The following FILIP1L variants were observed in gnomAD, a reference collection of about 807,000 sequenced individuals.
FILIP1L encodes the protein filamin A interacting protein 1 like.
A neutral mutation model predicts 96.6 loss-of-function variants in FILIP1L; 55 were observed. The observed-to-expected ratio is 0.57, with a 90% CI of 0.46 to 0.71. The LOEUF is 0.71. Among genes scored for constraint, FILIP1L ranks in the 30% least tolerant of loss-of-function variants. The pLI is 0.00. For synonymous variants in FILIP1L, 467 were observed against 473.9 expected (o/e 0.99, Z 0.19); for missense variants, 1,304 against 1,321.2 (o/e 0.99, Z 0.20).
rs76688742 is a variant in FILIP1L, at chr3:99,981,267, T to C, written c.-10-50237A>G. On this transcript the variant is annotated intron_variant, in intron 1 of 5. Transcript: ENST00000477258. ...CCCAATGCTAAACTTGTCCCTGGCC[T>C]CCTGGCAAACTCCTACTTAATCCTC... Among the ~76,000 whole-genome samples the C allele has an allele frequency of 4.6e-3, 705 of 152,278 alleles. 10 individuals are homozygous for C. Among genetic ancestry groups the C allele is most frequent in the African/African-American group, 0.016 (646 of 41,578 alleles).
At chr3:99,852,920 G>T (rs1221576124) in intron 4 of FILIP1L, among the ~76,000 whole-genome samples, 1 of 152,126 alleles carries the variant, frequency 6.6e-6, no homozygotes, top group Non-Finnish European at 1.5e-5. Context: ...TCCACTTTTA[G>T]TTTTTTCTGT....
At chr3:100,024,815 G>T (rs1017170651) in intron 1 of FILIP1L, among the ~76,000 whole-genome samples, 2 of 152,072 alleles carry the variant, frequency 1.3e-5, no homozygotes, top group Non-Finnish European at 2.9e-5. Context: ...TTTATGGAGG[G>T]GGTCCAGGGT....
intron 4 of FILIP1L, among the ~76,000 whole-genome samples, chr3:99,875,738 TATAG>T (rs1705479329): frequency 6.6e-6 from 1 of 152,098 alleles, no homozygotes; most frequent in Admixed American, 6.5e-5. Flanking sequence ...TGCAGTACAA[TATAG>T]TCTCCCCCAC....
chr3:99,922,880 G>A (rs188861821), intron 4 of FILIP1L, among the ~76,000 whole-genome samples: 1 of 152,170 alleles, frequency 6.6e-6, no homozygotes. Context: ...TTCTTATTTT[G>A]TTTTTTAAAG....
intron 4 of FILIP1L, among the ~76,000 whole-genome samples, chr3:99,876,834 C>G (rs941309167): frequency 2.0e-5 from 3 of 151,930 alleles, no homozygotes; most frequent in African/African-American, 7.3e-5. Context: ...TGTGTTTTAA[C>G]GAAAGCAGTT....
intron 1 of FILIP1L, among the ~76,000 whole-genome samples, chr3:100,007,707 T>C (rs1710027953): frequency 6.6e-6 from 1 of 152,210 alleles, no homozygotes; most frequent in African/African-American, 2.4e-5. Context: ...GAAGCTACAG[T>C]ATCGTGTAGG....
intron 4 of FILIP1L, among the ~76,000 whole-genome samples, chr3:99,903,944 C>A (rs1706527192): frequency 6.6e-6 from 1 of 152,168 alleles, no homozygotes; most frequent in Non-Finnish European, 1.5e-5. Flanking sequence ...AAAAATATGG[C>A]TTCAAGTAAT....
At chr3:100,034,888 A>C (rs1007222467) in intron 1 of FILIP1L, among the ~76,000 whole-genome samples, 2 of 152,168 alleles carry the variant, frequency 1.3e-5, no homozygotes, top group Admixed American at 1.3e-4. Context: ...TCTCAGTAGA[A>C]TATCTCAATC....
At chr3:100,083,228 TA>T (rs1222454563) in intron 1 of FILIP1L, among the ~76,000 whole-genome samples, 2 of 152,266 alleles carry the variant, frequency 1.3e-5, no homozygotes, top group African/African-American at 4.8e-5. Flanking sequence ...AAGAATTAAC[TA>T]AATAGTTTTA....
At chr3:99,993,646 G>A (rs1709588775) in intron 1 of FILIP1L, among the ~76,000 whole-genome samples, 1 of 152,046 alleles carries the variant, frequency 6.6e-6, no homozygotes, top group African/African-American at 2.4e-5. Flanking sequence ...GTTAATGTGT[G>A]TTCCTTCTAT....
Position 100,079,804 on chromosome 3 carries a change from CTCA to C in FILIP1L, c.-11+34246_-11+34248del, listed in dbSNP as rs533427903. Among the ~76,000 whole-genome samples, 760 of 151,928 alleles carry C rather than the reference CTCA, an allele frequency of 5.0e-3. 5 individuals are homozygous for C. The highest frequency in any genetic ancestry group is 0.017 in the African/African-American group (718 of 41,452). On this transcript the variant is annotated intron_variant, in intron 1 of 5. Transcript: ENST00000477258. ...TTTACAATTTCTATGCCTCATTACTCTCATGATAACCTAAAAAAAAAAATCAAG... is the reference window on the plus strand; with the variant it reads ...TTTACAATTTCTATGCCTCATTACTCTGATAACCTAAAAAAAAAAATCAAG...
intron 1 of FILIP1L, among the ~76,000 whole-genome samples, chr3:100,017,898 G>A (rs1710391701): frequency 6.6e-6 from 1 of 152,114 alleles, no homozygotes; most frequent in Non-Finnish European, 1.5e-5. Context: ...CAGTTTTCCT[G>A]GATCTGTAGC....
chr3:100,000,639 C>T (rs1259175521), intron 1 of FILIP1L, among the ~76,000 whole-genome samples: 1 of 152,164 alleles, frequency 6.6e-6, no homozygotes, highest in Non-Finnish European at 1.5e-5. Flanking sequence ...TGCTTGGGCC[C>T]AGGAGTTCAA....
At chr3:99,860,167 A>G (rs1464152592) in intron 4 of FILIP1L, among the ~76,000 whole-genome samples, 1 of 152,154 alleles carries the variant, frequency 6.6e-6, no homozygotes, top group Non-Finnish European at 1.5e-5. Context: ...TTGGGTTAAT[A>G]CTATTTTCCT....
chr3:100,087,074 G>T (rs1440664086), intron 1 of FILIP1L, among the ~76,000 whole-genome samples: 1 of 152,204 alleles, frequency 6.6e-6, no homozygotes, highest in African/African-American at 2.4e-5. Context: ...TCATACAGCT[G>T]TACCATAGTT....
intron 4 of FILIP1L, among the ~76,000 whole-genome samples, chr3:99,852,424 T>G (rs188687733): frequency 2.6e-5 from 4 of 152,156 alleles, no homozygotes; most frequent in African/African-American, 9.6e-5. Flanking sequence ...GTGTAAGGAT[T>G]TGAGAGAACT....
At chr3:100,073,354 C>CA (rs1250929836) in intron 1 of FILIP1L, among the ~76,000 whole-genome samples, 8 of 152,058 alleles carry the variant, frequency 5.3e-5, no homozygotes, top group Non-Finnish European at 1.2e-4. Context: ...AAGTCCTTCA[C>CA]AAAAAAAGTT....
intron 1 of FILIP1L, among the ~76,000 whole-genome samples, chr3:99,985,316 G>A (rs1709305678): frequency 6.6e-6 from 1 of 152,098 alleles, no homozygotes. Flanking sequence ...CAGATTGCAT[G>A]AGCCCAGGAG....
chr3:99,979,157 C>A (rs1303469356), intron 1 of FILIP1L, among the ~76,000 whole-genome samples: 1 of 152,210 alleles, frequency 6.6e-6, no homozygotes, highest in East Asian at 1.9e-4. Context: ...TTGATCATTA[C>A]ACACTGTATA....
Sources: allele counts gnomAD v4.1 joint callset (sites outside exome capture counted in the v4.1 genomes callset), GRCh38; gene constraint gnomAD v4.1.1; transcripts MANE v1.5; gene names NCBI Gene and HGNC (gene_info 2026-07-23, HGNC 2026-07-21).